ATG7: variants seen among roughly 807,000 people sequenced by gnomAD.
ATG7 encodes the protein autophagy related 7.
A neutral mutation model predicts 82.4 loss-of-function variants in ATG7; 70 were observed. The ratio of observed to expected loss-of-function variants is 0.85; its 90% confidence interval spans 0.70 to 1.04. ATG7 has a LOEUF of 1.04. Ranked by LOEUF, ATG7 falls within the 50% of genes least tolerant of loss-of-function variation. ATG7 has a pLI of 0.00. For missense variants in ATG7, 792 were observed against 864.3 expected (o/e 0.92, Z 1.05); for synonymous variants, 287 against 313.0 (o/e 0.92, Z 0.88).
Position 11,421,201 on chromosome 3 carries a change from G to T in ATG7, c.1957-5603G>T, listed in dbSNP as rs150495667. Among the ~76,000 whole-genome samples, 1,369 of 152,212 alleles carry T rather than the reference G, an allele frequency of 9.0e-3. 27 individuals carry two copies. The highest frequency in any genetic ancestry group is 0.031 in the African/African-American group (1,297 of 41,526). ...GTTGCCAAAGGTTGGGGTGGCTGTG[G>T]CATTTTCTTAGAAAAAGACAAGTTT... On this transcript the variant is annotated intron_variant, in intron 19 of 20. Coordinates refer to ENST00000693202, the MANE Select transcript of ATG7 (RefSeq NM_001349232.2).
At chr3:11,293,875 G>A (rs903506417) in intron 3 of ATG7, among the ~76,000 whole-genome samples, 7 of 150,470 alleles carry the variant, frequency 4.7e-5, no homozygotes, top group African/African-American at 1.5e-4. Flanking sequence ...AACATTAGCC[G>A]GGCATGGTGA....
intron 20 of ATG7, among the ~76,000 whole-genome samples, chr3:11,517,789 G>T (rs187672846): frequency 4.9e-4 from 74 of 152,402 alleles, no homozygotes; most frequent in Non-Finnish European, 9.1e-4. Flanking sequence ...GCTGGAGAGA[G>T]TCGGGCAATT....
rs1204555938 is a variant in ATG7 at position 11,556,968 on chromosome 3, C to CA, written c.*2127dup. 5 of 152,692 alleles carry CA rather than the reference C, an allele frequency of 3.3e-5. No homozygotes were observed. The South Asian group carries it at 6.2e-4, about 19-fold the overall frequency. The allele number at this position is 152,692 out of a possible 1,614,324, so 9.5% of individuals were successfully genotyped here. On this transcript the variant is annotated 3_prime_UTR_variant, in exon 21 of 21. Transcript: ENST00000693202. Reference sequence around the variant, plus strand: ...GTCCTCCGACCTTTTCACCCAGTGCCAATTTCCAAAATTCAACAGCTAAAA... The same window carrying CA: ...GTCCTCCGACCTTTTCACCCAGTGCCAAATTTCCAAAATTCAACAGCTAAAA...
chr3:11,571,978 G>A, the ATG7 span, among the ~76,000 whole-genome samples: 248 of 152,268 alleles, frequency 1.6e-3, no homozygotes, highest in Non-Finnish European at 2.9e-3. Context: ...GTGGTGTCAC[G>A]TACCTGCAGC....
At chr3:11,346,610 T>A (rs1954588663) in intron 13 of ATG7, 1 of 152,230 alleles carries the variant, frequency 6.6e-6, no homozygotes, top group Non-Finnish European at 1.5e-5. Context: ...ACCTATGGCA[T>A]GTTTGTAATG....
At chr3:11,468,099 T>C (rs1280588142) in intron 20 of ATG7, among the ~76,000 whole-genome samples, 1 of 152,210 alleles carries the variant, frequency 6.6e-6, no homozygotes, top group African/African-American at 2.4e-5. Flanking sequence ...CAGGCAGAAG[T>C]CTGAGTCAGA....
chr3:11,298,595 T>C, intron 3 of ATG7, 91 bp from the exon 4 acceptor site: 3 of 1,295,858 alleles, frequency 2.3e-6, no homozygotes, highest in Non-Finnish European at 2.2e-6. Context: ...ACTTTTTGTT[T>C]GTTTGAATTA....
chr3:11,350,923 CA>C (rs10709080), intron 14 of ATG7, among the ~76,000 whole-genome samples: 24,220 of 57,780 alleles, frequency 0.42, 1,913 homozygotes, highest in East Asian at 0.45. Flanking sequence ...GACCCTAGCC[CA>C]AAAAAAAAAA....
intron 20 of ATG7, among the ~76,000 whole-genome samples, chr3:11,492,194 C>T (rs553308990): frequency 7.4e-4 from 112 of 152,296 alleles, no homozygotes; most frequent in African/African-American, 2.4e-3. Context: ...ATCGGAAAGG[C>T]GCAGTATTAG....
chr3:11,339,817 T>G (rs1953216835), intron 11 of ATG7, among the ~76,000 whole-genome samples: 1 of 152,130 alleles, frequency 6.6e-6, no homozygotes, highest in African/African-American at 2.4e-5. Flanking sequence ...TCAAATCACG[T>G]GGGTTCTGTA....
At chr3:11,455,428 T>C (rs1178372270) in intron 20 of ATG7, among the ~76,000 whole-genome samples, 3 of 152,206 alleles carry the variant, frequency 2.0e-5, no homozygotes, top group African/African-American at 7.2e-5. Context: ...CTGCTTTTGC[T>C]GGTCCACATT....
At chr3:11,390,812 A>G (rs1170877898) in intron 19 of ATG7, among the ~76,000 whole-genome samples, 2 of 152,200 alleles carry the variant, frequency 1.3e-5, no homozygotes, top group African/African-American at 2.4e-5. Flanking sequence ...ACAAATGAGA[A>G]CGTTAGAAGG....
chr3:11,515,391 C>T (rs187465548), intron 20 of ATG7, among the ~76,000 whole-genome samples: 2 of 152,096 alleles, frequency 1.3e-5, no homozygotes, highest in African/African-American at 4.8e-5. Flanking sequence ...GCAACCTCCA[C>T]CTCCCCGGTT....
At chr3:11,334,729 G>A (rs1401756425) in intron 11 of ATG7, among the ~76,000 whole-genome samples, 11 of 151,324 alleles carry the variant, frequency 7.3e-5, no homozygotes, top group African/African-American at 2.4e-4. Context: ...AGGCCGAGGC[G>A]GGTGGATCAC....
intron 20 of ATG7, among the ~76,000 whole-genome samples, chr3:11,549,336 C>A (rs149714382): frequency 6.6e-6 from 1 of 152,338 alleles, no homozygotes; most frequent in East Asian, 1.9e-4. Context: ...ATTAACACAT[C>A]TGTGAACTCC....
intron 15 of ATG7, among the ~76,000 whole-genome samples, chr3:11,359,704 C>A (rs979115344): frequency 3.4e-5 from 5 of 146,800 alleles, no homozygotes; most frequent in Non-Finnish European, 7.6e-5. Flanking sequence ...TCAAAAAAAC[C>A]CCAAAGAAAC....
intron 20 of ATG7, among the ~76,000 whole-genome samples, chr3:11,505,657 A>G (rs2091658589): frequency 6.6e-6 from 1 of 152,178 alleles, no homozygotes; most frequent in Non-Finnish European, 1.5e-5. Flanking sequence ...CAGTGACACC[A>G]CAGGAAATGG....
At chr3:11,429,692 A>G (rs1486042568) in intron 20 of ATG7, among the ~76,000 whole-genome samples, 2 of 151,980 alleles carry the variant, frequency 1.3e-5, no homozygotes, top group Non-Finnish European at 2.9e-5. Context: ...TCATGCCTCT[A>G]ATCCTAGCAC....
chr3:11,475,531 T>G (rs2088058962), intron 20 of ATG7, among the ~76,000 whole-genome samples: 1 of 152,106 alleles, frequency 6.6e-6, no homozygotes. Flanking sequence ...CAGGGCGGCC[T>G]GCATGTAAAC....
Sources: gnomAD v4.1 joint callset for allele counts (sites outside exome capture counted in the v4.1 genomes callset) on GRCh38, gnomAD v4.1.1 for gene constraint, MANE v1.5 for transcripts, NCBI Gene and HGNC (gene_info 2026-07-23, HGNC 2026-07-21) for gene names.